The following LGSN variants were observed in gnomAD, a reference collection of about 807,000 sequenced individuals.
LGSN encodes the protein lengsin, lens protein with glutamine synthetase domain.
LGSN carries 21 observed loss-of-function variants against 19.5 expected under a neutral mutation model. That is an observed-to-expected ratio of 1.07 (90% CI 0.76 to 1.55). The LOEUF is 1.55. LGSN is among the 40% of genes most tolerant of loss of function. The pLI, the probability that LGSN is intolerant of heterozygous loss-of-function variation, is 0.00. For missense variants in LGSN, 673 were observed against 608.5 expected, an observed-to-expected ratio of 1.11 and a Z score of -1.12; for synonymous variants, 257 against 215.6, an observed-to-expected ratio of 1.19 and a Z score of -1.68.
At chr6:63,352,873 A>G in the LGSN span, among the ~76,000 whole-genome samples, 1 of 152,090 alleles carries the variant, frequency 6.6e-6, no homozygotes, top group African/African-American at 2.4e-5. Flanking sequence ...TTTTAATGCC[A>G]CAATATGACC....
At chr6:63,466,555 A>T in the LGSN span, among the ~76,000 whole-genome samples, 1 of 152,226 alleles carries the variant, frequency 6.6e-6, no homozygotes. Context: ...AAGAGTTGTG[A>T]TGATAGTGGC....
chr6:63,455,178 TAGCTC>T, the LGSN span, among the ~76,000 whole-genome samples: 1 of 152,150 alleles, frequency 6.6e-6, no homozygotes, highest in Non-Finnish European at 1.5e-5. Context: ...AAAAAACAAA[TAGCTC>T]AGCGCATTCT....
chr6:63,349,330 A>G, the LGSN span, among the ~76,000 whole-genome samples: 4 of 152,170 alleles, frequency 2.6e-5, no homozygotes, highest in African/African-American at 9.7e-5. Flanking sequence ...AAATTAGGAA[A>G]TATTTGTAGC....
chr6:63,459,830 C>T, the LGSN span, among the ~76,000 whole-genome samples: 2 of 152,108 alleles, frequency 1.3e-5, no homozygotes, highest in Admixed American at 1.3e-4. Context: ...AGGAGAATCG[C>T]TTGAACCCAG....
intron 1 of LGSN, among the ~76,000 whole-genome samples, chr6:63,316,761 A>T (rs1159757094): frequency 6.6e-6 from 1 of 151,902 alleles, no homozygotes; most frequent in African/African-American, 2.4e-5. Flanking sequence ...TTAAATATTC[A>T]TGTATATATA....
chr6:63,334,707 A>G, the LGSN span, among the ~76,000 whole-genome samples: 1 of 152,232 alleles, frequency 6.6e-6, no homozygotes, highest in South Asian at 2.1e-4. Context: ...TGACTTCAAA[A>G]TATATTACAA....
the LGSN span, among the ~76,000 whole-genome samples, chr6:63,499,735 T>G: frequency 6.6e-6 from 1 of 152,052 alleles, no homozygotes; most frequent in Non-Finnish European, 1.5e-5. Flanking sequence ...GTAGGATACC[T>G]TTAGGCTCTA....
At chr6:63,348,080 A>G in the LGSN span, among the ~76,000 whole-genome samples, 2 of 152,360 alleles carry the variant, frequency 1.3e-5, no homozygotes, top group East Asian at 1.9e-4. Flanking sequence ...GAAAGCATAA[A>G]TAAGCTAGTC....
the LGSN span, among the ~76,000 whole-genome samples, chr6:63,566,760 C>A: frequency 2.6e-5 from 4 of 152,072 alleles, no homozygotes; most frequent in African/African-American, 4.8e-5. Flanking sequence ...TTGATGACTC[C>A]ACAAAAAATT....
At chr6:63,372,332 T>C in the LGSN span, among the ~76,000 whole-genome samples, 10 of 152,200 alleles carry the variant, frequency 6.6e-5, no homozygotes, top group Non-Finnish European at 1.3e-4. Flanking sequence ...TTCATTTCTT[T>C]GGTCAAGCTG....
At chr6:63,412,759 G>GAAAGAAAGAA in the LGSN span, among the ~76,000 whole-genome samples, 1 of 28,508 alleles carries the variant, frequency 3.5e-5, no homozygotes, top group South Asian at 1.2e-3. Context: ...AAGAAAGAAA[G>GAAAGAAAGAA]AAAGAAAGAA....
the LGSN span, chr6:63,550,457 G>T: frequency 6.6e-6 from 1 of 152,242 alleles, no homozygotes; most frequent in Non-Finnish European, 1.5e-5. Context: ...TTCTTCAGAC[G>T]ACTCTACCTG....
the LGSN span, among the ~76,000 whole-genome samples, chr6:63,493,184 C>CT: frequency 6.6e-6 from 1 of 152,152 alleles, no homozygotes. Flanking sequence ...ATGAAGGACT[C>CT]TATCTGTTAG....
the LGSN span, among the ~76,000 whole-genome samples, chr6:63,526,360 C>T: frequency 6.6e-6 from 1 of 151,840 alleles, no homozygotes; most frequent in East Asian, 1.9e-4. Flanking sequence ...TTTCCAGAAG[C>T]TTTGGGTTCT....
the LGSN span, among the ~76,000 whole-genome samples, chr6:63,478,391 G>A: frequency 1.3e-5 from 2 of 152,128 alleles, no homozygotes; most frequent in African/African-American, 4.8e-5. Context: ...TGGATACATG[G>A]TTTCTTTTTG....
chr6:63,325,727 G>A, the LGSN span, among the ~76,000 whole-genome samples: 11 of 152,066 alleles, frequency 7.2e-5, no homozygotes, highest in African/African-American at 1.2e-4. Context: ...AGATGTGTTC[G>A]GAGTTTCTTC....
the LGSN span, among the ~76,000 whole-genome samples, chr6:63,361,144 C>G: frequency 1.4e-4 from 21 of 152,348 alleles, 1 homozygote; most frequent in South Asian, 4.1e-4. Context: ...TCTCAGATCT[C>G]AAGCTGCATG....
At chr6:63,480,978 T>TATATAC in the LGSN span, among the ~76,000 whole-genome samples, 1 of 34,676 alleles carries the variant, frequency 2.9e-5, no homozygotes, top group African/African-American at 5.7e-5. Context: ...TATATATATA[T>TATATAC]ATATATATAC....
intron 1 of LGSN, among the ~76,000 whole-genome samples, chr6:63,314,706 G>T (rs1582051383): frequency 6.6e-6 from 1 of 152,112 alleles, no homozygotes; most frequent in African/African-American, 2.4e-5. Flanking sequence ...TTCCCTTTAG[G>T]GTAAGAAGTG....
Sources: gnomAD v4.1 joint callset for allele counts (sites outside exome capture counted in the v4.1 genomes callset) on GRCh38, gnomAD v4.1.1 for gene constraint, MANE v1.5 for transcripts, NCBI Gene and HGNC (gene_info 2026-07-23, HGNC 2026-07-21) for gene names.